CNOT11: variants seen among roughly 807,000 people sequenced by gnomAD.
CNOT11 encodes CCR4-NOT transcription complex subunit 11.
In CNOT11, 18 loss-of-function variants were observed where a neutral mutation model predicts 44.6. That is an observed-to-expected ratio of 0.40 (90% confidence interval 0.28 to 0.60). The LOEUF is 0.60. Ranked by LOEUF, CNOT11 falls within the 20% of genes least tolerant of loss-of-function variation. CNOT11 has a pLI of 0.38. For missense variants in CNOT11, 513 were observed against 677.0 expected (o/e 0.76, Z 2.69); for synonymous variants, 291 against 270.9 (o/e 1.07, Z -0.73).
Position 101,253,398 on chromosome 2 carries a change from T to C in CNOT11, c.434T>C (p.Phe145Ser). The change falls in exon 1 of 7, where the codon TTC becomes TCC. Residue 145 changes from phenylalanine to serine, a missense_variant. Phe to Ser is a radical substitution (Grantham distance 155, BLOSUM62 -2). This residue lies in a region of CNOT11 where 259 missense variants were observed against 265.7 expected (regional missense o/e 0.97). Transcript: ENST00000289382. This position sits in a 1 kb window ranked among gnomAD's most constrained non-coding sequence, Gnocchi z 4.3. ...ACCGAGCCGCTGGCCGCCAACCCCT[T>C]CGCCGCCAGCTTCGCGCACCTGCTC... ...YRTEPLAANP[F>S]AASFAHLLNP... The C allele has an allele frequency of 6.3e-7, 1 of 1,588,902 alleles. No individual in the cohort carries two copies. The highest frequency in any genetic ancestry group is 1.4e-5 in the African/African-American group (1 of 73,572).
chr2:101,261,870 G>C (rs1191450567), intron 2 of CNOT11, among the ~76,000 whole-genome samples: 1 of 105,392 alleles, frequency 9.5e-6, no homozygotes, highest in South Asian at 3.2e-4. Context: ...TTTTTGAGAT[G>C]GAGTCTCGCT....
chr2:101,266,188 AGGTCAGCTGTCCGGATTCCC>A (rs1284481463), intron 4 of CNOT11, among the ~76,000 whole-genome samples: 3 of 152,218 alleles, frequency 2.0e-5, no homozygotes, highest in African/African-American at 7.2e-5. Context: ...GACTCGCAGC[AGGTCAGCTGTCCGGATTCCC>A]GCTCCGGCTT....
rs1208242659 is a variant in CNOT11, at chr2:101,262,698, A to T, written c.832+7A>T. ...CCAAAGCCACCTATTGAAAGTAGGT[A>T]CATATAAATTAATTTATACTCTTTG... On this transcript the variant is annotated splice_region_variant and intron_variant, in intron 3 of 6. Coordinates refer to ENST00000289382, the MANE Select transcript of CNOT11 (RefSeq NM_017546.5). 1 of 1,609,722 alleles carries T rather than the reference A, an allele frequency of 6.2e-7. No individual in the cohort carries two copies. The highest frequency in any genetic ancestry group is 8.5e-7 in the Non-Finnish European group (1 of 1,176,758).
Position 101,269,295 on chromosome 2 carries a change from T to C in CNOT11, c.1415T>C (p.Ile472Thr). 6.2e-7 allele frequency: 1 copy of C among 1,614,058 alleles called. No individual in the cohort carries two copies. ...NKIINVQDLF[I>T]EVQAFCIEFS... is the part of the protein sequence containing the mutation. Reference sequence around the variant, plus strand: ...ATTATTAATGTACAGGATTTGTTTATAGAAGTGCAGGCATTCTGTATTGAA... The same window carrying C: ...ATTATTAATGTACAGGATTTGTTTACAGAAGTGCAGGCATTCTGTATTGAA... Residue 472 changes from isoleucine to threonine, a missense_variant, in exon 7 of 7, where the codon ATA becomes ACA. By Grantham distance (89) the Ile-to-Thr change is moderately conservative. This residue lies in a region of CNOT11 where 87 missense variants were observed against 185.4 expected (regional missense o/e 0.47). Transcript: ENST00000289382. This position sits in a 1 kb window ranked among gnomAD's most constrained non-coding sequence, Gnocchi z 4.8.
At chr2:101,266,336 A>G (rs1418323363) in intron 4 of CNOT11, among the ~76,000 whole-genome samples, 1 of 145,088 alleles carries the variant, frequency 6.9e-6, no homozygotes, top group Non-Finnish European at 1.5e-5. Context: ...CAGATGACAG[A>G]AAAAAAAAAC....
At chr2:101,268,024 G>A (rs1558770150) in intron 5 of CNOT11, among the ~76,000 whole-genome samples, 1 of 152,164 alleles carries the variant, frequency 6.6e-6, no homozygotes, top group Non-Finnish European at 1.5e-5. Context: ...ACTATTGGGG[G>A]AAAAAAAGCC....
rs1166901373 is a variant in CNOT11 at position 101,266,799 on chromosome 2, G to A, written c.1158G>A (p.Met386Ile). The A allele has an allele frequency of 2.5e-6, 4 of 1,613,906 alleles. No individual in the cohort carries two copies. Among genetic ancestry groups the A allele is most frequent in the African/African-American group, 1.3e-5 (1 of 74,910 alleles). ...LVAIEMLLKLMQSSQITEYFS... is the reference protein window; with the variant it reads ...LVAIEMLLKLIQSSQITEYFS... Reference sequence around the variant, plus strand: ...CTATAGAAATGTTGCTGAAATTAATGCAGTCAAGCCAGATCACTGAGTATT... The same window carrying A: ...CTATAGAAATGTTGCTGAAATTAATACAGTCAAGCCAGATCACTGAGTATT... The change falls in exon 5 of 7, where the codon ATG becomes ATA. Residue 386 changes from methionine to isoleucine, a missense_variant. This residue lies in a region of CNOT11 where 87 missense variants were observed against 185.4 expected (regional missense o/e 0.47). Transcript: ENST00000289382.
intron 2 of CNOT11, among the ~76,000 whole-genome samples, chr2:101,260,070 G>A (rs1027556503): frequency 2.0e-5 from 3 of 152,112 alleles, no homozygotes; most frequent in Admixed American, 2.0e-4. Context: ...CAAGAACAAT[G>A]TAACAATGGT....
chr2:101,266,273 A>C (rs1286515923), intron 4 of CNOT11, among the ~76,000 whole-genome samples: 3 of 152,120 alleles, frequency 2.0e-5, no homozygotes, highest in African/African-American at 7.2e-5. Context: ...GGGGTGGGGC[A>C]GGACTGTTTC....
chr2:101,257,340 C>A (rs1333184350), intron 1 of CNOT11, among the ~76,000 whole-genome samples: 1 of 151,268 alleles, frequency 6.6e-6, no homozygotes, highest in African/African-American at 2.4e-5. Context: ...TTGCAGTGAG[C>A]CAAGATCATG....
At chr2:101,266,125 T>A (rs1573203431) in intron 4 of CNOT11, among the ~76,000 whole-genome samples, 1 of 152,168 alleles carries the variant, frequency 6.6e-6, no homozygotes, top group East Asian at 1.9e-4. Context: ...AGGATACCTG[T>A]TTGAATTACA....
rs1468013788 is a variant in CNOT11, at chr2:101,266,573, T to G, written c.1036-104T>G. The G allele has an allele frequency of 2.0e-5, 17 of 832,750 alleles. No homozygotes were observed. In the East Asian group the frequency reaches 4.2e-4, roughly 20 times the overall value. The allele number at this position is 832,750 out of a possible 1,614,324, so 51.6% of individuals were successfully genotyped here. Reference sequence around the variant, plus strand: ...AGTTGGTTCAATGCAGATAGTTTTGTAGCTTTTTGTATAAAATGCTTATTT... The same window carrying G: ...AGTTGGTTCAATGCAGATAGTTTTGGAGCTTTTTGTATAAAATGCTTATTT... On this transcript the variant is annotated intron_variant, in intron 4 of 6. Coordinates refer to ENST00000289382, the MANE Select transcript of CNOT11 (RefSeq NM_017546.5).
intron 1 of CNOT11, 106 bp from the exon 2 acceptor site, chr2:101,257,685 A>C: frequency 1.2e-6 from 1 of 840,348 alleles, no homozygotes; most frequent in East Asian, 2.5e-5. Flanking sequence ...TTAGTTCTTA[A>C]AACTATGTGG....
Position 101,252,972 on chromosome 2 carries a change from GC to G in CNOT11, c.9del (p.Gly4GlufsTer58). MP[G>X]GGASAASGRL... ...GGAAGGGGAGCGAGGTTGATGCCCG[GC>G]GGAGGGGCGAGCGCGGCGTCTGGCC... On this transcript the variant is annotated frameshift_variant, in exon 1 of 7. Coordinates refer to ENST00000289382, the MANE Select transcript of CNOT11 (RefSeq NM_017546.5). LOFTEE classifies it high-confidence loss of function. The G allele has an allele frequency of 6.7e-7, 1 of 1,481,896 alleles. No homozygotes were observed. Among genetic ancestry groups the G allele is most frequent in the Non-Finnish European group, 8.9e-7 (1 of 1,124,104 alleles). The allele number at this position is 1,481,896 out of a possible 1,614,324, so 91.8% of individuals were successfully genotyped here. A position where few individuals can be genotyped will look rare whatever the true frequency, so the allele number is the denominator to read the frequency against.
intron 2 of CNOT11, among the ~76,000 whole-genome samples, chr2:101,260,208 A>G (rs1298352281): frequency 4.6e-5 from 7 of 152,192 alleles, no homozygotes; most frequent in Non-Finnish European, 2.9e-5. Flanking sequence ...TTTATTCCTG[A>G]CAAACACCAA....
rs147026932 is a variant in CNOT11, at chr2:101,258,790, G to A, written c.679+835G>A. 4.3e-3 allele frequency among the ~76,000 whole-genome samples: 641 copies of A among 150,290 alleles called. 3 individuals are homozygous for A. The highest frequency in any genetic ancestry group is 0.015 in the African/African-American group (610 of 40,812). ...GATTGTGCAACTGCACTTCAGCCTG[G>A]GTGACAGGGCGAGAGTCTGTCTCAA... is the stretch of plus-strand genomic sequence containing the variant. On this transcript the variant is annotated intron_variant, in intron 2 of 6. Transcript: ENST00000289382.
At chr2:101,267,024 A>T (rs1040814044) in intron 5 of CNOT11, 145 bp downstream of exon 5, 1 of 612,988 alleles carries the variant, frequency 1.6e-6, no homozygotes, top group African/African-American at 1.8e-5. Flanking sequence ...CATTCACTAC[A>T]TGTAAATTTA....
In CNOT11 at chr2:101,266,654, CTT is replaced by C. The variant is rs750620402; in HGVS notation, c.1036-21_1036-20del. 8.8e-6 allele frequency: 14 copies of C among 1,585,630 alleles called. No homozygotes were observed. The African/African-American group carries it at 1.1e-4, about 12-fold the overall frequency. On this transcript the variant is annotated intron_variant, in intron 4 of 6. Coordinates refer to ENST00000289382, the MANE Select transcript of CNOT11 (RefSeq NM_017546.5). ...ACCCTTTCTCTCTCCCTCTCTCTCT[CTT>C]TAAAAATCTGGTGTATTTAGCTACT...
chr2:101,259,066 C>T (rs907695614), intron 2 of CNOT11, among the ~76,000 whole-genome samples: 4 of 151,258 alleles, frequency 2.6e-5, no homozygotes, highest in African/African-American at 9.7e-5. Context: ...CCTGGGAGAT[C>T]GAGGCTGCAG....
Sources: allele counts gnomAD v4.1 joint callset (sites outside exome capture counted in the v4.1 genomes callset), GRCh38; gene constraint gnomAD v4.1.1; regional missense constraint gnomAD v4.1.1; non-coding constraint Gnocchi (gnomAD v3.1); transcripts MANE v1.5; gene names NCBI Gene and HGNC (gene_info 2026-07-23, HGNC 2026-07-21).